The following NTNG1 variants were observed in gnomAD, a reference collection of about 807,000 sequenced individuals.
The protein encoded by NTNG1 is netrin G1.
Under a neutral mutation model 54.0 loss-of-function variants are expected in NTNG1, and 16 were observed. The ratio of observed to expected loss-of-function variants is 0.30; its 90% CI spans 0.20 to 0.45. The LOEUF (loss-of-function observed/expected upper bound fraction) is 0.45, where lower values mean the gene tolerates loss of function less well. Ranked by LOEUF, NTNG1 falls within the 20% of genes least tolerant of loss-of-function variation. The pLI is 1.00. For synonymous variants in NTNG1, 255 were observed against 263.1 expected (o/e 0.97, Z 0.30); for missense variants, 530 against 678.7 (o/e 0.78, Z 2.43).
At chr1:107,201,368 A>T (rs1163751534) in intron 2 of NTNG1, among the ~76,000 whole-genome samples, 1 of 151,802 alleles carries the variant, frequency 6.6e-6, no homozygotes, top group Non-Finnish European at 1.5e-5. Context: ...CTCTCGTGCC[A>T]ACTTGTTAAA....
At chr1:107,440,298 A>G (rs1408757880) in intron 7 of NTNG1, among the ~76,000 whole-genome samples, 1 of 152,156 alleles carries the variant, frequency 6.6e-6, no homozygotes, top group East Asian at 1.9e-4. Context: ...AAAGGGATTC[A>G]GTAACTGACA....
At chr1:107,222,297 T>C (rs922685698) in intron 2 of NTNG1, among the ~76,000 whole-genome samples, 1 of 152,154 alleles carries the variant, frequency 6.6e-6, no homozygotes, top group Non-Finnish European at 1.5e-5. Flanking sequence ...CTATATAACC[T>C]ATTGGCTAAA....
chr1:107,154,730 A>C (rs753957661), intron 2 of NTNG1, among the ~76,000 whole-genome samples: 8 of 151,472 alleles, frequency 5.3e-5, no homozygotes, highest in African/African-American at 1.7e-4. Flanking sequence ...TGGAAGAGGA[A>C]CAAAATAATA....
chr1:107,169,697 C>A (rs1309996611), intron 2 of NTNG1, among the ~76,000 whole-genome samples: 1 of 152,160 alleles, frequency 6.6e-6, no homozygotes, highest in Non-Finnish European at 1.5e-5. Flanking sequence ...TCTGTCTATT[C>A]TCTGACACAA....
rs190184930 is a variant in NTNG1, at chr1:107,326,034, G to C, written c.887+1112G>C. On this transcript the variant is annotated intron_variant, in intron 3 of 7. Coordinates refer to ENST00000370068, the MANE Select transcript of NTNG1 (RefSeq NM_001113226.3). ...AGTGTTGAAACTTTCTGGTCTGTTA[G>C]AGATTTGCCTTACCTATGTGTGCTG... is the stretch of plus-strand genomic sequence containing the variant. 1.3e-3 allele frequency among the ~76,000 whole-genome samples: 197 copies of C among 152,190 alleles called. 1 individual carries two copies. Among genetic ancestry groups the C allele is most frequent in the African/African-American group, 4.6e-3 (192 of 41,550 alleles).
At chr1:107,466,188 T>C (rs1461644587) in intron 7 of NTNG1, among the ~76,000 whole-genome samples, 2 of 151,958 alleles carry the variant, frequency 1.3e-5, no homozygotes, top group African/African-American at 4.8e-5. Flanking sequence ...AGGGAGAGAA[T>C]GAGTGAGAAG....
At chr1:107,410,154 T>C (rs763678891) in intron 5 of NTNG1, 1 of 152,162 alleles carries the variant, frequency 6.6e-6, no homozygotes, top group Admixed American at 6.6e-5. Flanking sequence ...TTATAGCAGA[T>C]GTAACACCCC....
At chr1:107,464,779 G>A (rs1677498791) in intron 7 of NTNG1, among the ~76,000 whole-genome samples, 1 of 152,186 alleles carries the variant, frequency 6.6e-6, no homozygotes, top group African/African-American at 2.4e-5. Context: ...TTTATGGGAA[G>A]TCCGTGAGAT....
At chr1:107,261,544 A>G (rs1259933254) in intron 2 of NTNG1, among the ~76,000 whole-genome samples, 2 of 152,158 alleles carry the variant, frequency 1.3e-5, no homozygotes, top group African/African-American at 4.8e-5. Context: ...TAAATTTGCT[A>G]TTTAAAAAGA....
At position 107,449,266 on chromosome 1, in the gene NTNG1, TA is replaced by T. The variant is rs139569418; in HGVS notation, c.1390+12470del. On this transcript the variant is annotated intron_variant, in intron 7 of 7. Transcript: ENST00000370068. ...GACAGGGGACATCTCGGTGACTATATAAAGGTTAATTGAGATTGAAATGAAA... is the reference window on the plus strand; with the variant it reads ...GACAGGGGACATCTCGGTGACTATATAAGGTTAATTGAGATTGAAATGAAA... Among the ~76,000 whole-genome samples the T allele has an allele frequency of 6.6e-5, 10 of 152,002 alleles. No homozygotes were observed. In the East Asian group the frequency reaches 1.9e-3, roughly 29 times the overall value.
chr1:107,247,131 T>A (rs1482363510), intron 2 of NTNG1, among the ~76,000 whole-genome samples: 1 of 152,222 alleles, frequency 6.6e-6, no homozygotes, highest in Non-Finnish European at 1.5e-5. Flanking sequence ...AGAATAGTTG[T>A]AACCTTCTGA....
intron 7 of NTNG1, chr1:107,455,550 C>A (rs750740282): frequency 2.2e-6 from 1 of 452,068 alleles, no homozygotes; most frequent in South Asian, 1.6e-5. Context: ...GTAATAAATG[C>A]CTGACTCGCT....
chr1:107,428,342 C>T (rs1675029372), intron 5 of NTNG1, among the ~76,000 whole-genome samples: 1 of 152,054 alleles, frequency 6.6e-6, no homozygotes. Context: ...CTTTATGTCA[C>T]TGTTTTTTCT....
At chr1:107,266,595 A>G (rs1465978867) in intron 2 of NTNG1, among the ~76,000 whole-genome samples, 3 of 151,930 alleles carry the variant, frequency 2.0e-5, no homozygotes, top group Non-Finnish European at 4.4e-5. Flanking sequence ...TAGGGACACA[A>G]ATCCAAACCT....
chr1:107,141,345 C>T (rs981397756), intron 1 of NTNG1: 2 of 149,820 alleles, frequency 1.3e-5, no homozygotes, highest in African/African-American at 2.4e-5. Flanking sequence ...GTACGCCGCC[C>T]GCGGGCTCCG....
chr1:107,227,510 G>A (rs1660766748), intron 2 of NTNG1, among the ~76,000 whole-genome samples: 1 of 152,018 alleles, frequency 6.6e-6, no homozygotes, highest in East Asian at 1.9e-4. Flanking sequence ...TTGACTAGCT[G>A]GCTCCTCGGT....
intron 2 of NTNG1, among the ~76,000 whole-genome samples, chr1:107,166,893 G>A (rs765512558): frequency 3.9e-5 from 6 of 152,060 alleles, no homozygotes; most frequent in Admixed American, 2.0e-4. Flanking sequence ...AAAGTCACTG[G>A]TGCTGTCATT....
chr1:107,175,394 T>G (rs72979596), intron 2 of NTNG1, among the ~76,000 whole-genome samples: 3,009 of 152,254 alleles, frequency 0.02, 100 homozygotes, highest in African/African-American at 0.068. Context: ...CTTCATAGGA[T>G]AAATTGTTTG....
At chr1:107,153,824 T>C (rs1310460837) in intron 2 of NTNG1, among the ~76,000 whole-genome samples, 4 of 152,180 alleles carry the variant, frequency 2.6e-5, no homozygotes, top group Non-Finnish European at 4.4e-5. Flanking sequence ...AGGGGACAAC[T>C]GGATTTGAGT....
Sources: gnomAD v4.1 joint callset for allele counts (sites outside exome capture counted in the v4.1 genomes callset) on GRCh38, gnomAD v4.1.1 for gene constraint, MANE v1.5 for transcripts, NCBI Gene and HGNC (gene_info 2026-07-23, HGNC 2026-07-21) for gene names.